GLIPR2: variants seen among roughly 807,000 people sequenced by gnomAD.
GLIPR2 encodes GLI pathogenesis related 2, also known as Golgi-associated plant pathogenesis-related protein 1.
A neutral mutation model predicts 20.4 loss-of-function variants in GLIPR2; 21 were observed. That is an observed-to-expected ratio of 1.03 (90% CI 0.73 to 1.48). The LOEUF (loss-of-function observed/expected upper bound fraction) is 1.48, where lower values mean the gene tolerates loss of function less well. Among genes scored for constraint, GLIPR2 ranks in the 40% most tolerant of loss-of-function variants. The pLI, the probability that GLIPR2 is intolerant of heterozygous loss-of-function variation, is 0.00. For missense variants in GLIPR2, 205 were observed against 200.1 expected, an observed-to-expected ratio of 1.02 and a Z score of -0.15; for synonymous variants, 91 against 80.5, an observed-to-expected ratio of 1.13 and a Z score of -0.70.
In GLIPR2 at chr9:36,136,791, G is replaced by A. The variant is rs1824836277; in HGVS notation, c.13G>A (p.Ala5Thr). Reference protein sequence around the residue: MGKSASKQFHNEVLK... With the variant: MGKSTSKQFHNEVLK... ...CGCGGAGCCGGCCATGGGCAAGTCA[G>A]GTGAGCCCGCGGGCTCGCCCGCTGC... The change falls in exon 1 of 5, where the codon GCT (alanine) becomes ACT (threonine). Residue 5 changes from alanine (A) to threonine (T), a missense_variant and splice_region_variant. Transcript: ENST00000377960. The surrounding 1 kb of genome is among the most constrained non-coding windows in gnomAD (Gnocchi z 4.3). 7.7e-7 allele frequency: 1 copy of A among 1,303,100 alleles called. No individual in the cohort carries two copies. Among genetic ancestry groups the A allele is most frequent in the Non-Finnish European group, 9.7e-7 (1 of 1,028,654 alleles). The allele number at this position is 1,303,100 out of a possible 1,614,324, so 80.7% of individuals were successfully genotyped here.
chr9:36,157,406 G>A (rs1825881781), intron 4 of GLIPR2, among the ~76,000 whole-genome samples: 1 of 150,894 alleles, frequency 6.6e-6, no homozygotes, highest in Non-Finnish European at 1.5e-5. Flanking sequence ...GAGTGCAGTG[G>A]TGTAGTCTTG....
chr9:36,148,818 A>G (rs574095920), intron 3 of GLIPR2, among the ~76,000 whole-genome samples, 168 bp downstream of exon 3: 1 of 152,352 alleles, frequency 6.6e-6, no homozygotes, highest in African/African-American at 2.4e-5. Flanking sequence ...TCAGTTCACC[A>G]CAAGGTCTCT....
chr9:36,153,858 G>C (rs943169041), intron 4 of GLIPR2, among the ~76,000 whole-genome samples: 3 of 151,536 alleles, frequency 2.0e-5, no homozygotes, highest in African/African-American at 7.3e-5. Context: ...CCAAGATCTC[G>C]CCACTGCACT....
At position 36,162,726 on chromosome 9, in the gene GLIPR2, A is replaced by C; in HGVS notation, c.*204A>C. 1.7e-6 allele frequency: 1 copy of C among 583,072 alleles called. No homozygotes were observed. 36.1% of individuals were successfully genotyped at this position (583,072 alleles called of 1,614,324 possible). The stretch of plus-strand genomic sequence containing the variant: ...ACAGGAGTGAGCAAAGGAAGCATTT[A>C]CCCCGATGGTTACCTAGACCACGAT... On this transcript the variant is annotated 3_prime_UTR_variant, in exon 5 of 5. Transcript: ENST00000377960.
intron 4 of GLIPR2, among the ~76,000 whole-genome samples, chr9:36,155,412 T>C (rs1416727727): frequency 6.6e-6 from 1 of 152,008 alleles, no homozygotes; most frequent in Non-Finnish European, 1.5e-5. Flanking sequence ...CTGGCCAATA[T>C]GGTGAATCCT....
At chr9:36,147,088 A>T (rs1345516619) in intron 1 of GLIPR2, among the ~76,000 whole-genome samples, 1 of 152,152 alleles carries the variant, frequency 6.6e-6, no homozygotes, top group Non-Finnish European at 1.5e-5. Flanking sequence ...TCCTCTGGAA[A>T]CACTCTCACA....
At chr9:36,162,246 C>T in intron 4 of GLIPR2, 116 bp from the exon 5 acceptor site, 1 of 1,597,124 alleles carries the variant, frequency 6.3e-7, no homozygotes, top group Non-Finnish European at 8.5e-7. Flanking sequence ...TCTGTGAAGA[C>T]CATGCTGACC....
intron 4 of GLIPR2, among the ~76,000 whole-genome samples, chr9:36,154,599 T>A (rs951820248): frequency 6.6e-6 from 1 of 152,192 alleles, no homozygotes; most frequent in African/African-American, 2.4e-5. Context: ...AAAGAGGATG[T>A]CATCCCTTTA....
intron 2 of GLIPR2, among the ~76,000 whole-genome samples, chr9:36,148,247 C>CA (rs751343269): frequency 0.032 from 4,181 of 130,048 alleles, 101 homozygotes; most frequent in African/African-American, 0.071. Flanking sequence ...GACAACATCT[C>CA]AAAAAAAAAA....
intron 1 of GLIPR2, 64 bp from the exon 2 acceptor site, chr9:36,147,722 C>T: frequency 2.5e-6 from 2 of 814,536 alleles, no homozygotes; most frequent in South Asian, 1.3e-5. Context: ...TTTCAGCATG[C>T]CATTATACTT....
intron 2 of GLIPR2, among the ~76,000 whole-genome samples, chr9:36,148,324 T>TA (rs1825431209): frequency 6.6e-6 from 1 of 151,956 alleles, no homozygotes; most frequent in South Asian, 2.1e-4. Context: ...CACACTTGAA[T>TA]AACCACTCTC....
At chr9:36,140,659 A>G (rs1353121076) in intron 1 of GLIPR2, among the ~76,000 whole-genome samples, 2 of 152,104 alleles carry the variant, frequency 1.3e-5, no homozygotes, top group Non-Finnish European at 2.9e-5. Context: ...CAATTGAGCA[A>G]CTCGTCATAG....
chr9:36,161,242 A>C (rs564573797), intron 4 of GLIPR2, among the ~76,000 whole-genome samples: 1 of 152,116 alleles, frequency 6.6e-6, no homozygotes, highest in Admixed American at 6.6e-5. Context: ...GAAAAGGAAG[A>C]AGAGGAGGGA....
intron 4 of GLIPR2, among the ~76,000 whole-genome samples, chr9:36,153,440 G>C (rs4878643): frequency 0.26 from 38,796 of 152,132 alleles, 5,020 homozygotes; most frequent in Non-Finnish European, 0.3. Flanking sequence ...TCCTAAGACA[G>C]GAGTGAGATT....
intron 4 of GLIPR2, among the ~76,000 whole-genome samples, chr9:36,155,102 C>T (rs1244887997): frequency 6.6e-6 from 1 of 152,208 alleles, no homozygotes; most frequent in Non-Finnish European, 1.5e-5. Context: ...GTTTATTAAA[C>T]AGCAGTTAAT....
At chr9:36,158,446 G>A (rs186242338) in intron 4 of GLIPR2, among the ~76,000 whole-genome samples, 105 of 152,196 alleles carry the variant, frequency 6.9e-4, no homozygotes, top group African/African-American at 2.5e-3. Flanking sequence ...ACCACCCTAT[G>A]GGAATCTTAG....
chr9:36,162,492 C>G lies in GLIPR2; in HGVS notation c.435C>G (p.Phe145Leu). The change falls in exon 5 of 5, where the codon TTC becomes TTG. Residue 145 changes from phenylalanine to leucine, a missense_variant. Phe to Leu is a conservative substitution (Grantham distance 22). Transcript: ENST00000377960. Reference protein sequence around the residue: ...PAGNVVNEGFFEENVLPPKK With the variant: ...PAGNVVNEGFLEENVLPPKK Reference sequence around the variant, plus strand: ...GGAATGTTGTCAATGAGGGCTTCTTCGAAGAAAACGTCCTGCCGCCGAAGA... The same window carrying G: ...GGAATGTTGTCAATGAGGGCTTCTTGGAAGAAAACGTCCTGCCGCCGAAGA... The G allele has an allele frequency of 1.2e-6, 2 of 1,614,120 alleles. No individual in the cohort carries two copies. The highest frequency in any genetic ancestry group is 1.7e-6 in the Non-Finnish European group (2 of 1,180,018).
At chr9:36,141,942 C>G (rs557836946) in intron 1 of GLIPR2, 29 of 450,588 alleles carry the variant, frequency 6.4e-5, no homozygotes, top group Admixed American at 2.0e-4. Context: ...CCCTCCACCC[C>G]AGCAGAGACA....
chr9:36,158,268 A>G (rs1401667567), intron 4 of GLIPR2, among the ~76,000 whole-genome samples: 1 of 152,200 alleles, frequency 6.6e-6, no homozygotes, highest in African/African-American at 2.4e-5. Flanking sequence ...GAACTGCCAT[A>G]CTGTCTTCCA....
Sources: allele counts gnomAD v4.1 joint callset (sites outside exome capture counted in the v4.1 genomes callset), GRCh38; gene constraint gnomAD v4.1.1; non-coding constraint Gnocchi (gnomAD v3.1); transcripts MANE v1.5; gene names NCBI Gene and HGNC (gene_info 2026-07-23, HGNC 2026-07-21).